The following PAK5 variants were observed in gnomAD, a reference collection of about 807,000 sequenced individuals.
PAK5 encodes serine/threonine-protein kinase PAK 5.
In PAK5, 16 loss-of-function variants were observed where a neutral mutation model predicts 65.9. That is an observed-to-expected ratio of 0.24 (90% CI 0.16 to 0.37). The LOEUF (loss-of-function observed/expected upper bound fraction) is 0.37, where lower values mean the gene tolerates loss of function less well. PAK5 is among the 10% of genes least tolerant of loss of function. The pLI is 1.00. For synonymous variants in PAK5, 371 were observed against 354.9 expected, an observed-to-expected ratio of 1.05 and a Z score of -0.51; for missense variants, 785 against 903.9, an observed-to-expected ratio of 0.87 and a Z score of 1.69.
At chr20:9,781,633 C>T (rs990811549) in intron 1 of PAK5, among the ~76,000 whole-genome samples, 2 of 152,160 alleles carry the variant, frequency 1.3e-5, no homozygotes, top group African/African-American at 2.4e-5. Context: ...CCTGAGCTAA[C>T]TTCACCCACA....
intron 1 of PAK5, among the ~76,000 whole-genome samples, chr20:9,833,829 T>G (rs907563886): frequency 3.9e-5 from 6 of 152,178 alleles, no homozygotes; most frequent in Non-Finnish European, 8.8e-5. Flanking sequence ...TGAGTAAAAT[T>G]GTATAGCTTT....
rs753490080 is a variant in PAK5, at chr20:9,644,350, T to G, written c.-11-11A>C. On this transcript the variant is annotated splice_polypyrimidine_tract_variant and intron_variant, in intron 2 of 9. Transcript: ENST00000353224. ...ACATGATGCCAAAACCTGGGAAATA[T>G]AAATGGAAAAGAGGCAGCCATTTAT... 4.4e-6 allele frequency: 7 copies of G among 1,590,832 alleles called. No homozygotes were observed. Among genetic ancestry groups the G allele is most frequent in the Non-Finnish European group, 6.0e-6 (7 of 1,161,098 alleles).
intron 3 of PAK5, among the ~76,000 whole-genome samples, chr20:9,619,319 C>G (rs2046728280): frequency 6.6e-6 from 1 of 152,202 alleles, no homozygotes; most frequent in African/African-American, 2.4e-5. Flanking sequence ...CTTTTGATCT[C>G]AGGAAACTTA....
In PAK5 at chr20:9,640,062, T is replaced by A. The variant is rs1018117126; in HGVS notation, c.204+4063A>T. ...GTCTTCAGCTAGAATGTTTATTATT[T>A]TTTTTTATTATACTTTAAGTTTTAG... On this transcript the variant is annotated intron_variant, in intron 3 of 9. Transcript: ENST00000353224. Among the ~76,000 whole-genome samples the A allele has an allele frequency of 7.2e-5, 11 of 152,206 alleles. No individual in the cohort carries two copies. The South Asian group carries it at 1.0e-3, about 14-fold the overall frequency.
At chr20:9,676,884 T>C (rs548114741) in intron 2 of PAK5, among the ~76,000 whole-genome samples, 1 of 152,226 alleles carries the variant, frequency 6.6e-6, no homozygotes, top group Admixed American at 6.5e-5. Flanking sequence ...TTAATGCATA[T>C]CTGATATTCT....
intron 1 of PAK5, among the ~76,000 whole-genome samples, chr20:9,797,786 G>A (rs1000576386): frequency 6.6e-6 from 1 of 151,748 alleles, no homozygotes; most frequent in South Asian, 2.1e-4. Context: ...GTTTTGGGTT[G>A]CCTTTTGGAC....
intron 1 of PAK5, chr20:9,818,934 C>T (rs1245229376): frequency 6.6e-6 from 1 of 152,172 alleles, no homozygotes; most frequent in Non-Finnish European, 1.5e-5. Flanking sequence ...ATCAAAGTTA[C>T]TTTCCAATTT....
intron 2 of PAK5, among the ~76,000 whole-genome samples, chr20:9,697,434 T>A (rs2047883834): frequency 6.6e-6 from 1 of 152,096 alleles, no homozygotes; most frequent in Non-Finnish European, 1.5e-5. Context: ...TCCCTGTATC[T>A]ACCTAGCTCC....
At chr20:9,730,581 A>G (rs2048325658) in intron 1 of PAK5, among the ~76,000 whole-genome samples, 1 of 152,186 alleles carries the variant, frequency 6.6e-6, no homozygotes, top group Admixed American at 6.5e-5. Flanking sequence ...CGAGTGTCTC[A>G]GGCTCTGAAG....
chr20:9,744,936 T>A (rs2048489333), intron 1 of PAK5, among the ~76,000 whole-genome samples: 1 of 152,118 alleles, frequency 6.6e-6, no homozygotes, highest in East Asian at 1.9e-4. Flanking sequence ...AAATGAGTGG[T>A]TTAGGTTGCC....
At chr20:9,770,566 G>C (rs952838622) in intron 1 of PAK5, among the ~76,000 whole-genome samples, 4 of 152,126 alleles carry the variant, frequency 2.6e-5, no homozygotes, top group African/African-American at 9.7e-5. Flanking sequence ...AGGCAAGATG[G>C]GCATGAAGAG....
chr20:9,547,051 G>A (rs1415188386), intron 7 of PAK5, among the ~76,000 whole-genome samples: 3 of 152,114 alleles, frequency 2.0e-5, no homozygotes, highest in South Asian at 4.2e-4. Context: ...TATTGGATTG[G>A]GGACAGGCCC....
intron 3 of PAK5, among the ~76,000 whole-genome samples, chr20:9,638,979 T>C (rs573656966): frequency 2.9e-4 from 44 of 152,284 alleles, no homozygotes; most frequent in African/African-American, 1.0e-3. Context: ...TAAAGGACAC[T>C]TTGACCAAAC....
At chr20:9,593,417 A>T (rs1207640881) in intron 3 of PAK5, among the ~76,000 whole-genome samples, 2 of 152,074 alleles carry the variant, frequency 1.3e-5, no homozygotes, top group Non-Finnish European at 2.9e-5. Flanking sequence ...ACCCAGAGAC[A>T]CCTGCAAGTC....
At chr20:9,552,202 A>G (rs1408850926) in intron 7 of PAK5, among the ~76,000 whole-genome samples, 1 of 152,258 alleles carries the variant, frequency 6.6e-6, no homozygotes, top group East Asian at 1.9e-4. Flanking sequence ...GAGATCACAA[A>G]GACCACTTGT....
intron 7 of PAK5, among the ~76,000 whole-genome samples, chr20:9,551,520 G>T (rs943350109): frequency 2.0e-5 from 3 of 152,166 alleles, no homozygotes; most frequent in African/African-American, 7.2e-5. Flanking sequence ...GGAGGGTTGG[G>T]GGCTAGTGAG....
chr20:9,771,582 ATT>A lies in PAK5; in HGVS notation c.-161-60149_-161-60148del, dbSNP rs545140358. ...GCCACCACATTCAGTCAATTTTTTA[ATT>A]TTTTTTTTTTTTTTTTGTAGAAATG... On this transcript the variant is annotated intron_variant, in intron 1 of 9. Coordinates refer to ENST00000353224, the MANE Select transcript of PAK5 (RefSeq NM_177990.4). Among the ~76,000 whole-genome samples, 1,060 of 109,756 alleles carry A rather than the reference ATT, an allele frequency of 9.7e-3. 22 individuals are homozygous for A. Among genetic ancestry groups the A allele is most frequent in the African/African-American group, 0.032 (913 of 28,338 alleles). 72.0% of individuals were successfully genotyped at this position (109,756 alleles called of 152,430 possible). A position where few individuals can be genotyped will look rare whatever the true frequency, so the allele number is the denominator to read the frequency against.
At chr20:9,770,865 G>T (rs904029707) in intron 1 of PAK5, among the ~76,000 whole-genome samples, 1 of 152,112 alleles carries the variant, frequency 6.6e-6, no homozygotes, top group Non-Finnish European at 1.5e-5. Flanking sequence ...AAGTTGTCAA[G>T]GATAGATAAA....
intron 2 of PAK5, among the ~76,000 whole-genome samples, chr20:9,663,033 A>C (rs768961324): frequency 4.6e-5 from 7 of 152,220 alleles, no homozygotes; most frequent in Non-Finnish European, 1.0e-4. Flanking sequence ...TTTCAGCAGT[A>C]ACATTTTTAA....
Sources: gnomAD v4.1 joint callset for allele counts (sites outside exome capture counted in the v4.1 genomes callset) on GRCh38, gnomAD v4.1.1 for gene constraint, MANE v1.5 for transcripts, NCBI Gene and HGNC (gene_info 2026-07-23, HGNC 2026-07-21) for gene names.